Variants in MPV17 observed in about 807,000 individuals in gnomAD.
The protein encoded by MPV17 is mitochondrial inner membrane protein MPV17, also known as MPV17, mitochondrial inner membrane protein.
MPV17 carries 31 observed loss-of-function variants against 28.6 expected under a neutral mutation model. The ratio of observed to expected loss-of-function variants is 1.08; its 90% CI spans 0.81 to 1.46. MPV17 has a LOEUF of 1.46. Ranked by LOEUF, MPV17 falls within the 40% of genes most tolerant of loss-of-function variation. MPV17 has a pLI of 0.00. For missense variants in MPV17, 198 were observed against 216.2 expected (o/e 0.92, Z 0.53); for synonymous variants, 87 against 85.3 (o/e 1.02, Z -0.11).
intron 2 of MPV17, among the ~76,000 whole-genome samples, chr2:27,314,213 C>T (rs1320076160): frequency 6.6e-6 from 1 of 152,030 alleles, no homozygotes; most frequent in East Asian, 1.9e-4. Flanking sequence ...GCCTGTAGTC[C>T]CAGCTACTCA....
At chr2:27,313,570 A>G (rs1056430747) in intron 2 of MPV17, among the ~76,000 whole-genome samples, 1 of 152,178 alleles carries the variant, frequency 6.6e-6, no homozygotes, top group Non-Finnish European at 1.5e-5. Context: ...ATTCCTAGAC[A>G]CTGTTCTTTC....
chr2:27,312,419 C>CT, intron 5 of MPV17, 75 bp downstream of exon 5: 1 of 1,526,250 alleles, frequency 6.6e-7, no homozygotes, highest in South Asian at 1.1e-5. Flanking sequence ...CTTTTTTATC[C>CT]CTGTAAAACC....
intron 2 of MPV17, chr2:27,315,883 G>T: frequency 7.1e-7 from 1 of 1,416,970 alleles, no homozygotes; most frequent in Non-Finnish European, 9.2e-7. Flanking sequence ...TTAATGATGA[G>T]TCTTTGAGAG....
chr2:27,323,040 C>T lies in MPV17; in HGVS notation c.-6+12G>A, dbSNP rs746035554. 13 of 164,138 alleles carry T rather than the reference C, an allele frequency of 7.9e-5. No homozygotes were observed. Among genetic ancestry groups the T allele is most frequent in the Non-Finnish European group, 1.6e-4 (12 of 73,844 alleles). 10.2% of individuals were successfully genotyped at this position (164,138 alleles called of 1,614,324 possible). On this transcript the variant is annotated intron_variant, in intron 1 of 7. Coordinates refer to ENST00000380044, the MANE Select transcript of MPV17 (RefSeq NM_002437.5). ...GCTTTAAGCCAGAGACCGCAGATCA[C>T]CCGCCACTCACCTGAGCGCCGAGCC...
At chr2:27,314,409 ACAAAGAG>A (rs1022261573) in intron 2 of MPV17, among the ~76,000 whole-genome samples, 33 of 152,206 alleles carry the variant, frequency 2.2e-4, no homozygotes, top group African/African-American at 8.0e-4. Flanking sequence ...AGTCCCCACA[ACAAAGAG>A]TCTTGGCCAC....
intron 2 of MPV17, chr2:27,313,375 A>G: frequency 1.5e-6 from 1 of 668,694 alleles, no homozygotes; most frequent in Non-Finnish European, 2.5e-6. Flanking sequence ...GGGAAGTCAG[A>G]GTCAGAAAGT....
At chr2:27,312,169 A>G in intron 6 of MPV17, 45 bp downstream of exon 6, 1 of 1,602,614 alleles carries the variant, frequency 6.2e-7, no homozygotes, top group Non-Finnish European at 8.6e-7. Flanking sequence ...ACAGTTCTAG[A>G]CTTAAGGAAG....
intron 2 of MPV17, chr2:27,316,838 CGTGG>C: frequency 2.3e-6 from 1 of 443,700 alleles, no homozygotes; most frequent in East Asian, 3.9e-5. Flanking sequence ...ACAGGCTGGG[CGTGG>C]AGCCCAGCGA....
rs866206271 is a variant in MPV17 at position 27,309,552 on chromosome 2, C to G, written c.*360G>C. 2.8e-5 allele frequency: 14 copies of G among 500,604 alleles called. No homozygotes were observed. In the Middle Eastern group the frequency reaches 2.2e-3, roughly 78 times the overall value. The allele number at this position is 500,604 out of a possible 1,614,324, so 31.0% of individuals were successfully genotyped here. On this transcript the variant is annotated 3_prime_UTR_variant, in exon 8 of 8. Transcript: ENST00000380044. ...GCACCATATAAAGGGTTCCGGGAGT[C>G]TCTAAAGAGCTGGAGCTACAAGAAG...
intron 2 of MPV17, among the ~76,000 whole-genome samples, chr2:27,318,668 T>C (rs1338380257): frequency 6.6e-6 from 1 of 152,102 alleles, no homozygotes; most frequent in African/African-American, 2.4e-5. Context: ...TTTGGAATCT[T>C]TGACCATTGT....
intron 2 of MPV17, chr2:27,316,272 A>G: frequency 6.7e-7 from 1 of 1,482,154 alleles, no homozygotes; most frequent in Non-Finnish European, 9.2e-7. Context: ...AGCTGGAATG[A>G]AAAGCCAAGT....
chr2:27,319,925 CAAAA>C (rs780007083), intron 2 of MPV17, among the ~76,000 whole-genome samples: 1 of 93,742 alleles, frequency 1.1e-5, no homozygotes, highest in Non-Finnish European at 2.3e-5. Context: ...CACCTTATCT[CAAAA>C]AAAAAAAAAA....
At chr2:27,313,719 C>CT (rs1012264050) in intron 2 of MPV17, among the ~76,000 whole-genome samples, 56 of 150,058 alleles carry the variant, frequency 3.7e-4, no homozygotes, top group African/African-American at 8.8e-4. Context: ...GCAAGAATAA[C>CT]TTTTTTTTTT....
chr2:27,313,093 C>T lies in MPV17; in HGVS notation c.87G>A (p.Leu29=). Residue 29 remains leucine (L), a synonymous_variant, in exon 3 of 8, where the codon CTG becomes CTA. Transcript: ENST00000380044. ...QVLTAGSLMG[L]GDIISQQLVE... ...CCAGCTGCTGTGAGATAATGTCACCCAGGCCCATCAGGGACCCTATGCAGG... is the reference window on the plus strand; with the variant it reads ...CCAGCTGCTGTGAGATAATGTCACCTAGGCCCATCAGGGACCCTATGCAGG... 1.9e-6 allele frequency: 3 copies of T among 1,614,214 alleles called. No individual in the cohort carries two copies. The highest frequency in any genetic ancestry group is 2.5e-6 in the Non-Finnish European group (3 of 1,180,044).
At chr2:27,312,339 G>A in intron 5 of MPV17, 93 bp from the exon 6 acceptor site, 1 of 1,484,102 alleles carries the variant, frequency 6.7e-7, no homozygotes, top group South Asian at 1.1e-5. Flanking sequence ...TGGGTTCAAA[G>A]AGCACATTCC....
In MPV17 at chr2:27,309,656, T is replaced by A. The variant is rs1679351055; in HGVS notation, c.*256A>T. The A allele has an allele frequency of 1.7e-6, 1 of 605,674 alleles. No individual in the cohort carries two copies. 37.5% of individuals were successfully genotyped at this position (605,674 alleles called of 1,614,324 possible). ...ATTTGCTGGGATATGGGTGTAAAGT[T>A]GATAAGGTCATGAAGGTTCAACAGA... is the stretch of plus-strand genomic sequence containing the variant. On this transcript the variant is annotated 3_prime_UTR_variant, in exon 8 of 8. Coordinates refer to ENST00000380044, the MANE Select transcript of MPV17 (RefSeq NM_002437.5).
At chr2:27,311,553 G>A in intron 7 of MPV17, 1 of 1,538,750 alleles carries the variant, frequency 6.5e-7, no homozygotes, top group East Asian at 2.4e-5. Flanking sequence ...GCTCCTACTT[G>A]GCCTTCTGGT....
intron 2 of MPV17, among the ~76,000 whole-genome samples, chr2:27,320,939 TG>T (rs931628398): frequency 1.3e-5 from 2 of 152,302 alleles, no homozygotes; most frequent in Non-Finnish European, 2.9e-5. Flanking sequence ...GGAAAAGTGC[TG>T]GGAGGCTACA....
At chr2:27,311,640 G>A (rs777538105) in intron 7 of MPV17, 1 of 1,550,686 alleles carries the variant, frequency 6.4e-7, no homozygotes, top group South Asian at 1.2e-5. Context: ...CGGAGCTCAG[G>A]TGGGATGGAG....
Sources: gnomAD v4.1 joint callset for allele counts (sites outside exome capture counted in the v4.1 genomes callset) on GRCh38, gnomAD v4.1.1 for gene constraint, MANE v1.5 for transcripts, NCBI Gene and HGNC (gene_info 2026-07-23, HGNC 2026-07-21) for gene names.